STN1: variants seen among roughly 807,000 people sequenced by gnomAD.
STN1 encodes the protein CST complex subunit STN1.
A neutral mutation model predicts 45.5 loss-of-function variants in STN1; 29 were observed. That is an observed-to-expected ratio of 0.64 (90% CI 0.47 to 0.87). STN1 has a LOEUF of 0.87. Ranked by LOEUF, STN1 falls within the 40% of genes least tolerant of loss-of-function variation. STN1 has a pLI of 0.00. For synonymous variants in STN1, 148 were observed against 159.0 expected, an observed-to-expected ratio of 0.93 and a Z score of 0.52; for missense variants, 376 against 441.4, an observed-to-expected ratio of 0.85 and a Z score of 1.33.
At chr10:103,911,666 A>G (rs1173863124) in intron 2 of STN1, among the ~76,000 whole-genome samples, 4 of 152,094 alleles carry the variant, frequency 2.6e-5, no homozygotes, top group Non-Finnish European at 4.4e-5. Flanking sequence ...CACCACACCC[A>G]GTCAAGTCCT....
intron 9 of STN1, among the ~76,000 whole-genome samples, chr10:103,886,755 C>T (rs1172514312): frequency 6.6e-6 from 1 of 152,122 alleles, no homozygotes; most frequent in Non-Finnish European, 1.5e-5. Flanking sequence ...TTTCTAAATG[C>T]CAATTCATTT....
intron 2 of STN1, among the ~76,000 whole-genome samples, chr10:103,914,733 C>CAA (rs1195148533): frequency 6.6e-6 from 1 of 152,072 alleles, no homozygotes; most frequent in African/African-American, 2.4e-5. Context: ...CCACCACAAT[C>CAA]AAATTTCACA....
At chr10:103,905,016 G>T in intron 4 of STN1, 75 bp downstream of exon 4, 1 of 1,281,936 alleles carries the variant, frequency 7.8e-7, no homozygotes, top group Non-Finnish European at 1.1e-6. Context: ...TAGCCCTATA[G>T]CTGTTTTGAT....
chr10:103,916,790 T>C (rs891839780), intron 2 of STN1, among the ~76,000 whole-genome samples: 19 of 64,278 alleles, frequency 3.0e-4, no homozygotes, highest in African/African-American at 8.8e-4. Context: ...ACTATTCTAA[T>C]ACAAAAAAAA....
intron 3 of STN1, 80 bp downstream of exon 3, chr10:103,910,447 T>G (rs1246311942): frequency 1.1e-6 from 1 of 904,256 alleles, no homozygotes; most frequent in Non-Finnish European, 1.8e-6. Flanking sequence ...TCTAAATGGC[T>G]GGGGCTGCTG....
rs1215773280 is a variant in STN1 at position 103,878,536 on chromosome 10, G to A, written c.*4148C>T. On this transcript the variant is annotated 3_prime_UTR_variant, in exon 10 of 10. Coordinates refer to ENST00000224950, the MANE Select transcript of STN1 (RefSeq NM_024928.5). ...AGGAGTTTGAGACTGCCCGGGCCGA[G>A]TCTGGCTTACACACCGGTTGAATTC... 6.6e-6 allele frequency: 1 copy of A among 152,194 alleles called. No homozygotes were observed. The highest frequency in any genetic ancestry group is 1.5e-5 in the Non-Finnish European group (1 of 68,040). 9.4% of individuals were successfully genotyped at this position (152,194 alleles called of 1,614,324 possible).
rs182099158 is a variant in STN1 at position 103,880,054 on chromosome 10, C to G, written c.*2630G>C. On this transcript the variant is annotated 3_prime_UTR_variant, in exon 10 of 10. Transcript: ENST00000224950. ...CAGGAGACGGCCCGCCCACTTCACC[C>G]GCCTGGGCCAAGTATGGCTTCCACA... is the stretch of plus-strand genomic sequence containing the variant. Among the ~76,000 whole-genome samples the G allele has an allele frequency of 1.3e-5, 2 of 152,328 alleles. No homozygotes were observed. The highest frequency in any genetic ancestry group is 4.1e-4 in the South Asian group (2 of 4,822).
chr10:103,902,304 T>C (rs1265486118), intron 4 of STN1, among the ~76,000 whole-genome samples: 1 of 152,198 alleles, frequency 6.6e-6, no homozygotes, highest in Non-Finnish European at 1.5e-5. Flanking sequence ...CCCCAGGCCC[T>C]CTTCTACTTA....
chr10:103,913,988 C>G (rs549854677), intron 2 of STN1, among the ~76,000 whole-genome samples: 73 of 152,242 alleles, frequency 4.8e-4, no homozygotes, highest in African/African-American at 1.7e-3. Flanking sequence ...GCAGCCAACC[C>G]TGAACATCCA....
Position 103,897,728 on chromosome 10 carries a change from G to A in STN1, c.582-9C>T. The A allele has an allele frequency of 1.2e-6, 2 of 1,613,182 alleles. No individual in the cohort carries two copies. Among genetic ancestry groups the A allele is most frequent in the South Asian group, 1.1e-5 (1 of 91,024 alleles). ...CCAGGGCGCCTGGATTGCTGCGGAG[G>A]GAAAGTTTTAAAGAGCTCTGCAGAA... On this transcript the variant is annotated splice_polypyrimidine_tract_variant and intron_variant, in intron 6 of 9. Transcript: ENST00000224950.
intron 4 of STN1, among the ~76,000 whole-genome samples, chr10:103,903,512 C>G (rs1843222464): frequency 6.6e-6 from 1 of 152,160 alleles, no homozygotes; most frequent in South Asian, 2.1e-4. Flanking sequence ...GAGCTCCACT[C>G]TCATGAATGA....
chr10:103,905,376 G>C (rs906467161), intron 3 of STN1, among the ~76,000 whole-genome samples: 1 of 152,164 alleles, frequency 6.6e-6, no homozygotes, highest in Admixed American at 6.5e-5. Flanking sequence ...AAGCCCAGTG[G>C]GATATGGTCA....
chr10:103,890,177 T>G (rs1038720097), intron 8 of STN1, among the ~76,000 whole-genome samples: 12 of 152,002 alleles, frequency 7.9e-5, no homozygotes. Flanking sequence ...TGCAAACAAA[T>G]AGCTGTAAGT....
At position 103,898,865 on chromosome 10, in the gene STN1, G is replaced by C; in HGVS notation, c.581+12C>G. 1 of 1,613,482 alleles carries C rather than the reference G, an allele frequency of 6.2e-7. No homozygotes were observed. The highest frequency in any genetic ancestry group is 8.5e-7 in the Non-Finnish European group (1 of 1,179,856). On this transcript the variant is annotated intron_variant, in intron 6 of 9. Transcript: ENST00000224950. ...GTGGTCACGTGCTCAGCAGTGATAA[G>C]TCACCACTTACCTTAGTGCCTCTTC...
At chr10:103,911,910 T>A (rs1426076744) in intron 2 of STN1, among the ~76,000 whole-genome samples, 6 of 152,078 alleles carry the variant, frequency 3.9e-5, no homozygotes, top group Admixed American at 3.9e-4. Flanking sequence ...ACAAGGAGCT[T>A]CTAAGCCTCA....
intron 7 of STN1, among the ~76,000 whole-genome samples, chr10:103,893,501 C>G (rs956067451): frequency 4.6e-5 from 7 of 152,096 alleles, no homozygotes; most frequent in African/African-American, 1.7e-4. Context: ...AGAAATTTGT[C>G]AAGATATTGA....
intron 7 of STN1, among the ~76,000 whole-genome samples, chr10:103,892,795 G>A (rs1049679257): frequency 6.6e-6 from 1 of 152,224 alleles, no homozygotes; most frequent in African/African-American, 2.4e-5. Context: ...CAGTCCTGGT[G>A]AAGCACAGTC....
intron 3 of STN1, among the ~76,000 whole-genome samples, chr10:103,907,339 G>A (rs1270300711): frequency 6.6e-6 from 1 of 152,116 alleles, no homozygotes; most frequent in African/African-American, 2.4e-5. Flanking sequence ...GATATACATG[G>A]CTCATTGTAA....
At chr10:103,886,666 C>T (rs1843105537) in intron 9 of STN1, among the ~76,000 whole-genome samples, 1 of 152,202 alleles carries the variant, frequency 6.6e-6, no homozygotes, top group African/African-American at 2.4e-5. Flanking sequence ...GGGGTTACCA[C>T]TTGTGCCATT....
Sources: gnomAD v4.1 joint callset for allele counts (sites outside exome capture counted in the v4.1 genomes callset) on GRCh38, gnomAD v4.1.1 for gene constraint, MANE v1.5 for transcripts, NCBI Gene and HGNC (gene_info 2026-07-23, HGNC 2026-07-21) for gene names.